Variants in DYNC1I1 observed in about 807,000 individuals in gnomAD.
The protein encoded by DYNC1I1 is cytoplasmic dynein 1 intermediate chain 1.
In DYNC1I1, 43 loss-of-function variants were observed where a neutral mutation model predicts 86.6. That is an observed-to-expected ratio of 0.50 (90% CI 0.39 to 0.64). The LOEUF (loss-of-function observed/expected upper bound fraction) is 0.64, where lower values mean the gene tolerates loss of function less well. Among genes scored for constraint, DYNC1I1 ranks in the 30% least tolerant of loss-of-function variants. The probability of loss-of-function intolerance (pLI) is 0.00; values close to 1 mark genes in which losing one functional copy is unlikely to be tolerated. For missense variants in DYNC1I1, 604 were observed against 788.8 expected (o/e 0.77, Z 2.81); for synonymous variants, 262 against 283.7 (o/e 0.92, Z 0.77).
At chr7:95,956,032 A>G (rs1488132201) in intron 6 of DYNC1I1, among the ~76,000 whole-genome samples, 1 of 152,208 alleles carries the variant, frequency 6.6e-6, no homozygotes, top group Admixed American at 6.5e-5. Flanking sequence ...CTTGCAGAGT[A>G]CTACAGTATT....
chr7:95,917,315 G>C (rs1791496346), intron 6 of DYNC1I1, among the ~76,000 whole-genome samples: 1 of 152,148 alleles, frequency 6.6e-6, no homozygotes. Flanking sequence ...CAGGCAGGCA[G>C]TGCTGAGAGG....
At chr7:95,932,303 T>A (rs1279654703) in intron 6 of DYNC1I1, among the ~76,000 whole-genome samples, 2 of 152,182 alleles carry the variant, frequency 1.3e-5, no homozygotes, top group Admixed American at 1.3e-4. Context: ...ATACACACTA[T>A]GGCGGCACAT....
At chr7:95,783,650 A>T in intron 1 of DYNC1I1, among the ~76,000 whole-genome samples, 1 of 152,338 alleles carries the variant, frequency 6.6e-6, no homozygotes, top group Admixed American at 6.5e-5. Context: ...CTGACCAGAC[A>T]TCAGTGTTAC....
chr7:95,954,967 T>C (rs1792670654), intron 6 of DYNC1I1, among the ~76,000 whole-genome samples: 1 of 151,666 alleles, frequency 6.6e-6, no homozygotes. Flanking sequence ...TTTTTTGCCT[T>C]CTTTTAATAT....
intron 14 of DYNC1I1, among the ~76,000 whole-genome samples, chr7:96,044,750 A>T (rs1789158021): frequency 6.6e-6 from 1 of 152,134 alleles, no homozygotes; most frequent in Admixed American, 6.5e-5. Flanking sequence ...TTAATGCTGT[A>T]GGGGGTTAAA....
intron 15 of DYNC1I1, among the ~76,000 whole-genome samples, chr7:96,078,972 T>C (rs1468709249): frequency 6.6e-6 from 1 of 152,118 alleles, no homozygotes; most frequent in Admixed American, 6.6e-5. Flanking sequence ...ACTTTTATTA[T>C]AGAAATTGTG....
At chr7:95,973,839 A>C (rs1396660834) in intron 6 of DYNC1I1, among the ~76,000 whole-genome samples, 6 of 152,338 alleles carry the variant, frequency 3.9e-5, no homozygotes, top group Non-Finnish European at 7.3e-5. Flanking sequence ...TCATTTGGTA[A>C]AACTACTTTC....
intron 6 of DYNC1I1, among the ~76,000 whole-genome samples, chr7:95,952,590 C>A (rs1792589554): frequency 6.6e-6 from 1 of 152,142 alleles, no homozygotes; most frequent in Non-Finnish European, 1.5e-5. Flanking sequence ...TCAACCAGCC[C>A]AAGGGTGCAC....
chr7:96,032,700 C>G lies in DYNC1I1; in HGVS notation c.1150C>G (p.Gln384Glu). The part of the protein sequence containing the change: ...PVYCVNVVGT[Q>E]NAHNLITVST... The stretch of plus-strand genomic sequence containing the variant: ...GTACTGTGTAAATGTTGTTGGGACC[C>G]AGAATGCTCATAACCTCATCACTGT... The change falls in exon 12 of 17, where the codon CAG (glutamine) becomes GAG (glutamate). Residue 384 changes from glutamine (Q) to glutamate (E), a missense_variant. Coordinates refer to ENST00000447467, the MANE Select transcript of DYNC1I1 (RefSeq NM_001135556.2). 3 of 1,613,660 alleles carry G rather than the reference C, an allele frequency of 1.9e-6. No individual in the cohort carries two copies. The highest frequency in any genetic ancestry group is 2.5e-6 in the Non-Finnish European group (3 of 1,179,708).
At chr7:96,061,589 AC>A (rs1196128763) in intron 14 of DYNC1I1, among the ~76,000 whole-genome samples, 65 of 151,330 alleles carry the variant, frequency 4.3e-4, no homozygotes, top group African/African-American at 1.5e-3. Context: ...GAATCTCCGA[AC>A]CCTCCCACTT....
At chr7:96,013,103 C>T (rs953628022) in intron 10 of DYNC1I1, among the ~76,000 whole-genome samples, 9 of 151,778 alleles carry the variant, frequency 5.9e-5, no homozygotes, top group Admixed American at 2.0e-4. Flanking sequence ...TTATGTGGGT[C>T]GGCCCAGTGT....
In DYNC1I1 at chr7:95,923,178, A is replaced by G. The variant is rs1584163293; in HGVS notation, c.490+53180A>G. Reference sequence around the variant, plus strand: ...TAAGTGGTAAATCAGTCTTTGGGTAAAGACTTCAGCTCACCATTTTCTTTA... The same window carrying G: ...TAAGTGGTAAATCAGTCTTTGGGTAGAGACTTCAGCTCACCATTTTCTTTA... On this transcript the variant is annotated intron_variant, in intron 6 of 16. Coordinates refer to ENST00000447467, the MANE Select transcript of DYNC1I1 (RefSeq NM_001135556.2). Among the ~76,000 whole-genome samples the G allele has an allele frequency of 5.3e-5, 8 of 152,206 alleles. No individual in the cohort carries two copies. In the South Asian group the frequency reaches 1.7e-3, roughly 32 times the overall value.
At chr7:95,944,624 C>G (rs1264894329) in intron 6 of DYNC1I1, among the ~76,000 whole-genome samples, 2 of 152,104 alleles carry the variant, frequency 1.3e-5, no homozygotes, top group Non-Finnish European at 2.9e-5. Flanking sequence ...GGAACCAACT[C>G]AAATGTCCAA....
rs919220531 is a variant in DYNC1I1 at position 96,070,828 on chromosome 7, C to T, written c.1510-5229C>T. ...AAGTAAATAATACAGAGGAAAAGAA[C>T]CATTATATTCTCTAGATTTAACTTT... On this transcript the variant is annotated intron_variant, in intron 14 of 16. Coordinates refer to ENST00000447467, the MANE Select transcript of DYNC1I1 (RefSeq NM_001135556.2). Among the ~76,000 whole-genome samples the T allele has an allele frequency of 2.6e-5, 4 of 152,282 alleles. No individual in the cohort carries two copies. In the South Asian group the frequency reaches 8.3e-4, roughly 32 times the overall value.
chr7:95,872,850 G>A lies in DYNC1I1; in HGVS notation c.490+2852G>A, dbSNP rs34146891. On this transcript the variant is annotated intron_variant, in intron 6 of 16. Coordinates refer to ENST00000447467, the MANE Select transcript of DYNC1I1 (RefSeq NM_001135556.2). The stretch of plus-strand genomic sequence containing the variant: ...TGGTCCCCTCCAAGGCTGCCTCTCT[G>A]TTGCCTATTATGAACCCATTTCTGT... 1.9e-3 allele frequency among the ~76,000 whole-genome samples: 282 copies of A among 152,300 alleles called. 1 individual carries two copies. The highest frequency in any genetic ancestry group is 3.5e-3 in the Non-Finnish European group (235 of 68,024).
At chr7:95,785,023 C>G (rs1245893149) in intron 1 of DYNC1I1, among the ~76,000 whole-genome samples, 1 of 152,136 alleles carries the variant, frequency 6.6e-6, no homozygotes, top group East Asian at 1.9e-4. Context: ...TAAATTGTAA[C>G]ATTCATTCAT....
chr7:95,835,457 A>G (rs200092649), intron 5 of DYNC1I1, among the ~76,000 whole-genome samples: 94,011 of 148,826 alleles, frequency 0.63, 30,364 homozygotes, highest in African/African-American at 0.76. Context: ...TGTTGATTTG[A>G]GGTGGAGAGT....
At chr7:95,956,190 A>G (rs1215101994) in intron 6 of DYNC1I1, among the ~76,000 whole-genome samples, 1 of 152,018 alleles carries the variant, frequency 6.6e-6, no homozygotes, top group Non-Finnish European at 1.5e-5. Flanking sequence ...CACTCAGCCC[A>G]CAGAGACCAG....
intron 5 of DYNC1I1, among the ~76,000 whole-genome samples, chr7:95,859,301 G>A (rs1026953456): frequency 6.6e-6 from 1 of 151,902 alleles, no homozygotes; most frequent in Admixed American, 6.6e-5. Flanking sequence ...TTGTCAGGCA[G>A]TTCATATATC....
Sources: allele counts gnomAD v4.1 joint callset (sites outside exome capture counted in the v4.1 genomes callset), GRCh38; gene constraint gnomAD v4.1.1; transcripts MANE v1.5; gene names NCBI Gene and HGNC (gene_info 2026-07-23, HGNC 2026-07-21).